Variants in GLG1 observed in about 807,000 individuals in gnomAD.
GLG1 encodes the protein golgi glycoprotein 1.
GLG1 carries 38 observed loss-of-function variants against 160.5 expected under a neutral mutation model. That is an observed-to-expected ratio of 0.24 (90% confidence interval 0.18 to 0.31). GLG1 has a LOEUF of 0.31. Among genes scored for constraint, GLG1 ranks in the 10% least tolerant of loss-of-function variants. GLG1 has a pLI of 1.00. For missense variants in GLG1, 1,373 were observed against 1,505.2 expected (o/e 0.91, Z 1.45); for synonymous variants, 644 against 543.4 (o/e 1.19, Z -2.57).
intron 1 of GLG1, among the ~76,000 whole-genome samples, chr16:74,559,599 G>A (rs2018452255): frequency 1.3e-5 from 2 of 151,950 alleles, no homozygotes; most frequent in South Asian, 2.1e-4. Flanking sequence ...TAATTTTAGA[G>A]AGTGAAATAT....
At chr16:74,488,366 A>G (rs1262325750) in intron 8 of GLG1, among the ~76,000 whole-genome samples, 1 of 152,086 alleles carries the variant, frequency 6.6e-6, no homozygotes, top group Non-Finnish European at 1.5e-5. Flanking sequence ...ACACGGCGAG[A>G]CCCCATCACT....
At chr16:74,566,581 G>A (rs1021397456) in intron 1 of GLG1, among the ~76,000 whole-genome samples, 19 of 151,856 alleles carry the variant, frequency 1.3e-4, no homozygotes, top group Non-Finnish European at 1.9e-4. Context: ...CCAGACTACC[G>A]TCTTCATTCT....
chr16:74,582,644 C>T (rs1957964260), intron 1 of GLG1, among the ~76,000 whole-genome samples: 2 of 151,306 alleles, frequency 1.3e-5, no homozygotes, highest in Non-Finnish European at 2.9e-5. Flanking sequence ...CACAGTGAAA[C>T]CCTGTCTCTA....
chr16:74,454,269 G>A (rs541331124), intron 25 of GLG1, among the ~76,000 whole-genome samples: 11 of 151,906 alleles, frequency 7.2e-5, no homozygotes, highest in Admixed American at 2.0e-4. Context: ...ACAGTGGTGC[G>A]ATCACAGCTC....
At chr16:74,512,273 T>TAA (rs368505481) in intron 2 of GLG1, among the ~76,000 whole-genome samples, 28 of 135,114 alleles carry the variant, frequency 2.1e-4, no homozygotes, top group South Asian at 1.2e-3. Flanking sequence ...GAATCCATAT[T>TAA]AAAAAAAAAA....
intron 1 of GLG1, among the ~76,000 whole-genome samples, chr16:74,562,288 T>G (rs969026555): frequency 2.0e-5 from 3 of 152,200 alleles, no homozygotes; most frequent in African/African-American, 7.2e-5. Context: ...GACAACCTCA[T>G]CTGCTTCCAG....
intron 12 of GLG1, among the ~76,000 whole-genome samples, chr16:74,477,126 G>A (rs1401501423): frequency 6.6e-6 from 1 of 152,160 alleles, no homozygotes; most frequent in Admixed American, 6.5e-5. Context: ...GGCTCTAGAA[G>A]TTTTAATAAG....
intron 1 of GLG1, among the ~76,000 whole-genome samples, chr16:74,595,482 A>T (rs981598403): frequency 2.0e-5 from 3 of 152,152 alleles, no homozygotes; most frequent in Admixed American, 1.3e-4. Context: ...GCTTGCAGTG[A>T]GCCAAGATCG....
chr16:74,480,387 G>C lies in GLG1; in HGVS notation c.1681C>G (p.Pro561Ala), dbSNP rs1171415503. The C allele has an allele frequency of 1.2e-6, 2 of 1,609,940 alleles. No individual in the cohort carries two copies. The highest frequency in any genetic ancestry group is 1.3e-5 in the African/African-American group (1 of 74,636). Residue 561 changes from proline (P) to alanine (A), a missense_variant, in exon 11 of 26, where the codon CCT (proline) becomes GCT (alanine). By Grantham distance (27) the Pro-to-Ala change is conservative. This residue lies in a region of GLG1 where 386 missense variants were observed against 388.5 expected (regional missense o/e 0.99). Coordinates refer to ENST00000422840, the MANE Select transcript of GLG1 (RefSeq NM_001145667.2). ...YFISRDWKLD[P>A]VLYRKCQGDA... ...CCCTGGCACTTGCGGTACAGGACAG[G>C]GTCCAGCCTATAAGGTTAAGAGTTA...
intron 25 of GLG1, among the ~76,000 whole-genome samples, chr16:74,454,267 G>A (rs1177110376): frequency 6.6e-6 from 1 of 151,856 alleles, no homozygotes; most frequent in Non-Finnish European, 1.5e-5. Flanking sequence ...GTACAGTGGT[G>A]CGATCACAGC....
chr16:74,600,740 A>C (rs768669656), intron 1 of GLG1, among the ~76,000 whole-genome samples: 2,090 of 150,846 alleles, frequency 0.014, 25 homozygotes, highest in South Asian at 0.024. Context: ...TCAAAAAAAA[A>C]AAAAAAAAAA....
Position 74,452,340 on chromosome 16 carries a change from T to C in GLG1, c.*827A>G. Reference sequence around the variant, plus strand: ...AGGAGGAAGGTTCCTGGGATCCTGCTGCCCCGGGACTCAGGATCCAGCCTC... The same window carrying C: ...AGGAGGAAGGTTCCTGGGATCCTGCCGCCCCGGGACTCAGGATCCAGCCTC... On this transcript the variant is annotated 3_prime_UTR_variant, in exon 26 of 26. Coordinates refer to ENST00000422840, the MANE Select transcript of GLG1 (RefSeq NM_001145667.2). 3 of 1,383,454 alleles carry C rather than the reference T, an allele frequency of 2.2e-6. No individual in the cohort carries two copies. The highest frequency in any genetic ancestry group is 1.6e-5 in the South Asian group (1 of 64,482). The allele number at this position is 1,383,454 out of a possible 1,614,324, so 85.7% of individuals were successfully genotyped here.
intron 1 of GLG1, among the ~76,000 whole-genome samples, chr16:74,597,730 T>A (rs886206158): frequency 6.6e-6 from 1 of 151,878 alleles, no homozygotes; most frequent in Admixed American, 6.6e-5. Context: ...GGCGGGCGCC[T>A]GTAGTCCCAG....
At chr16:74,540,349 ACCG>A (rs2017828114) in intron 1 of GLG1, among the ~76,000 whole-genome samples, 1 of 150,314 alleles carries the variant, frequency 6.7e-6, no homozygotes, top group African/African-American at 2.5e-5. Context: ...ATTTTTTTCT[ACCG>A]TGTATAAAAA....
rs757679935 is a variant in GLG1, at chr16:74,505,028, TG to T, written c.559-1283del. 1.1e-4 allele frequency among the ~76,000 whole-genome samples: 17 copies of T among 152,342 alleles called. No homozygotes were observed. The East Asian group carries it at 1.2e-3, about 10-fold the overall frequency. On this transcript the variant is annotated intron_variant, in intron 3 of 25. Transcript: ENST00000422840. The stretch of plus-strand genomic sequence containing the variant: ...ATTCTGACAAGAGGAAGGAGTTAAA[TG>T]GGAATGTTTATTTTGAATATAAACA...
At chr16:74,563,708 C>CA (rs2018571272) in intron 1 of GLG1, among the ~76,000 whole-genome samples, 1 of 137,986 alleles carries the variant, frequency 7.2e-6, no homozygotes, top group Non-Finnish European at 1.5e-5. Flanking sequence ...GCCTGCGCAA[C>CA]AGAGTGAGAC....
In GLG1 at chr16:74,467,746, A is replaced by C; in HGVS notation, c.2529+10T>G. ...ACTTTTACAATTACAAAAGAAAAGC[A>C]AAAAGTTACCTGAGCGTTGCCATAT... On this transcript the variant is annotated intron_variant, in intron 18 of 25. Coordinates refer to ENST00000422840, the MANE Select transcript of GLG1 (RefSeq NM_001145667.2). 6.3e-7 allele frequency: 1 copy of C among 1,576,284 alleles called. No homozygotes were observed. The highest frequency in any genetic ancestry group is 8.7e-7 in the Non-Finnish European group (1 of 1,148,784).
At chr16:74,457,557 G>A (rs1357132277) in intron 24 of GLG1, among the ~76,000 whole-genome samples, 1 of 152,154 alleles carries the variant, frequency 6.6e-6, no homozygotes, top group Admixed American at 6.6e-5. Flanking sequence ...CTGGCTTCTA[G>A]TTTCGGCACC....
intron 2 of GLG1, among the ~76,000 whole-genome samples, chr16:74,509,163 ATTTTTTTTTTTTTT>A (rs11295055): frequency 4.5e-5 from 4 of 89,614 alleles, no homozygotes; most frequent in Non-Finnish European, 2.1e-5. Flanking sequence ...CTAAAGGACA[ATTTTTTTTTTTTTT>A]TTTTTTTTTT....
Sources: gnomAD v4.1 joint callset for allele counts (sites outside exome capture counted in the v4.1 genomes callset) on GRCh38, gnomAD v4.1.1 for gene constraint, gnomAD v4.1.1 regional missense constraint, MANE v1.5 for transcripts, NCBI Gene and HGNC (gene_info 2026-07-23, HGNC 2026-07-21) for gene names.